Variants in CSRNP2 observed in about 807,000 individuals in gnomAD.
CSRNP2 encodes cysteine/serine-rich nuclear protein 2.
Under a neutral mutation model 36.6 loss-of-function variants are expected in CSRNP2, and 11 were observed. The ratio of observed to expected loss-of-function variants is 0.30; its 90% CI spans 0.19 to 0.50. The LOEUF is 0.50. Among genes scored for constraint, CSRNP2 ranks in the 20% least tolerant of loss-of-function variants. CSRNP2 has a pLI of 0.98. For synonymous variants in CSRNP2, 248 were observed against 275.3 expected (o/e 0.90, Z 0.98); for missense variants, 483 against 691.4 (o/e 0.70, Z 3.38).
chr12:51,072,422 G>A (rs945464828), intron 3 of CSRNP2, among the ~76,000 whole-genome samples: 1 of 151,898 alleles, frequency 6.6e-6, no homozygotes, highest in Non-Finnish European at 1.5e-5. Flanking sequence ...AAATAGCCGG[G>A]TGTGGTGTTG....
intron 1 of CSRNP2, 36 bp from the exon 2 acceptor site, chr12:51,076,683 C>T: frequency 9.6e-7 from 1 of 1,043,494 alleles, no homozygotes; most frequent in Admixed American, 2.0e-5. Flanking sequence ...CATTCCTGTC[C>T]CCAGACAGAC....
chr12:51,072,471 G>C (rs1050008035), intron 3 of CSRNP2, among the ~76,000 whole-genome samples: 6 of 149,546 alleles, frequency 4.0e-5, no homozygotes, highest in African/African-American at 1.5e-4. Context: ...GCTGAGGCAG[G>C]AGAATGGTGT....
At chr12:51,080,434 T>C (rs1439377162) in intron 1 of CSRNP2, among the ~76,000 whole-genome samples, 1 of 152,230 alleles carries the variant, frequency 6.6e-6, no homozygotes, top group Non-Finnish European at 1.5e-5. Context: ...CAAGGATTGC[T>C]GGCTGCTTGT....
rs936229451 is a variant in CSRNP2 at position 51,061,896 on chromosome 12, G to A, written c.*1850C>T. The A allele has an allele frequency of 6.6e-6, 1 of 152,110 alleles. No homozygotes were observed. The highest frequency in any genetic ancestry group is 1.5e-5 in the Non-Finnish European group (1 of 68,020). The allele number at this position is 152,110 out of a possible 1,614,324, so 9.4% of individuals were successfully genotyped here. A position where few individuals can be genotyped will look rare whatever the true frequency, so the allele number is the denominator to read the frequency against. On this transcript the variant is annotated 3_prime_UTR_variant, in exon 5 of 5. Coordinates refer to ENST00000228515, the MANE Select transcript of CSRNP2 (RefSeq NM_030809.3). Reference sequence around the variant, plus strand: ...AAATTCCCAATTAAGCTTCAGTCCTGTGTTTGAGGGTACCAGTCTAAGGTA... The same window carrying A: ...AAATTCCCAATTAAGCTTCAGTCCTATGTTTGAGGGTACCAGTCTAAGGTA...
chr12:51,074,843 G>A (rs1033186167), intron 2 of CSRNP2, among the ~76,000 whole-genome samples: 2 of 151,986 alleles, frequency 1.3e-5, no homozygotes, highest in African/African-American at 4.8e-5. Flanking sequence ...GAGGCAGGCA[G>A]ATCATGAGGT....
At chr12:51,080,110 G>A (rs1391721981) in intron 1 of CSRNP2, among the ~76,000 whole-genome samples, 1 of 139,860 alleles carries the variant, frequency 7.2e-6, no homozygotes, top group Non-Finnish European at 1.6e-5. Flanking sequence ...GAGGGAGGGA[G>A]GGAAGAGAAG....
intron 1 of CSRNP2, among the ~76,000 whole-genome samples, chr12:51,078,219 C>T (rs1372370336): frequency 6.6e-6 from 1 of 152,292 alleles, no homozygotes; most frequent in South Asian, 2.1e-4. Flanking sequence ...AAGCAATTTG[C>T]CTGCTCTTGG....
chr12:51,080,125 CAAGCAGGCA>C (rs1939577498), intron 1 of CSRNP2, among the ~76,000 whole-genome samples: 1 of 89,610 alleles, frequency 1.1e-5, no homozygotes, highest in Non-Finnish European at 2.3e-5. Flanking sequence ...GAGAAGAAGG[CAAGCAGGCA>C]GGCAGGCAGG....
chr12:51,069,430 G>A (rs946115343), intron 3 of CSRNP2, among the ~76,000 whole-genome samples: 10 of 149,754 alleles, frequency 6.7e-5, no homozygotes, highest in Admixed American at 6.6e-4. Context: ...GGAATTACAG[G>A]CTCCTGCCAC....
chr12:51,069,692 CT>C (rs894915514), intron 3 of CSRNP2, among the ~76,000 whole-genome samples: 7 of 141,330 alleles, frequency 5.0e-5, no homozygotes, highest in Non-Finnish European at 9.2e-5. Flanking sequence ...TTTTTTTTTT[CT>C]TTTTTTTCTT....
At chr12:51,076,730 G>A (rs1939418941) in intron 1 of CSRNP2, 83 bp from the exon 2 acceptor site, 2 of 655,742 alleles carry the variant, frequency 3.0e-6, no homozygotes, top group South Asian at 3.8e-5. Flanking sequence ...TCTAAAGAAA[G>A]CACCTCACCT....
In CSRNP2 at chr12:51,063,444, A is replaced by G; in HGVS notation, c.*302T>C. The G allele has an allele frequency of 4.8e-6, 1 of 206,698 alleles. No individual in the cohort carries two copies. Among genetic ancestry groups the G allele is most frequent in the East Asian group, 1.1e-4 (1 of 9,090 alleles). 12.8% of individuals were successfully genotyped at this position (206,698 alleles called of 1,614,324 possible). ...TCCCTACAGAAAGAATAGCTGCTTGAGTTACCCAGCTTTTCCTGTGAGATC... is the reference window on the plus strand; with the variant it reads ...TCCCTACAGAAAGAATAGCTGCTTGGGTTACCCAGCTTTTCCTGTGAGATC... On this transcript the variant is annotated 3_prime_UTR_variant, in exon 5 of 5. Coordinates refer to ENST00000228515, the MANE Select transcript of CSRNP2 (RefSeq NM_030809.3).
At chr12:51,068,949 C>T (rs937982220) in intron 3 of CSRNP2, among the ~76,000 whole-genome samples, 7 of 152,030 alleles carry the variant, frequency 4.6e-5, no homozygotes, top group African/African-American at 9.7e-5. Context: ...AGCCCTTGGC[C>T]GAGAAAAAAT....
Position 51,074,013 on chromosome 12 carries a change from T to C in CSRNP2, c.221A>G (p.Tyr74Cys). The change falls in exon 3 of 5, where the codon TAC becomes TGC. Residue 74 changes from tyrosine (Y) to cysteine (C), a missense_variant. Physicochemically the swap from Tyr to Cys is radical, Grantham distance 194 (BLOSUM62 -2). This residue lies in a region of CSRNP2 where 206 missense variants were observed against 367.8 expected (regional missense o/e 0.56). Coordinates refer to ENST00000228515, the MANE Select transcript of CSRNP2 (RefSeq NM_030809.3). ...AAAACCTTGGCGCCGGGCAAAGTAG[T>C]ATACAGTCACCTGGTCAAAGCGTAC... ...KNVRFDQVTV[Y>C]YFARRQGFTS... 1 of 1,614,244 alleles carries C rather than the reference T, an allele frequency of 6.2e-7. No individual in the cohort carries two copies. The highest frequency in any genetic ancestry group is 8.5e-7 in the Non-Finnish European group (1 of 1,180,042).
chr12:51,080,072 C>CAAAAAAAAAAA (rs1173559322), intron 1 of CSRNP2, among the ~76,000 whole-genome samples: 2 of 54,988 alleles, frequency 3.6e-5, no homozygotes, highest in African/African-American at 1.4e-4. Flanking sequence ...GACTCTGTCT[C>CAAAAAAAAAAA]AAAAAAAAAA....
At chr12:51,079,087 G>C (rs903644211) in intron 1 of CSRNP2, among the ~76,000 whole-genome samples, 3 of 152,124 alleles carry the variant, frequency 2.0e-5, no homozygotes, top group Admixed American at 2.0e-4. Context: ...CATGGATGAA[G>C]CTGGAAACCA....
In CSRNP2 at chr12:51,063,667, C is replaced by T; in HGVS notation, c.*79G>A. 1 of 1,115,552 alleles carries T rather than the reference C, an allele frequency of 9.0e-7. No individual in the cohort carries two copies. The highest frequency in any genetic ancestry group is 1.2e-6 in the Non-Finnish European group (1 of 807,178). 69.1% of individuals were successfully genotyped at this position (1,115,552 alleles called of 1,614,324 possible). ...AACATGGGAGCAGCAGCTGCTTCTA[C>T]AGTTTTGTTTTGAAATGGTGTTAGA... On this transcript the variant is annotated 3_prime_UTR_variant, in exon 5 of 5. Transcript: ENST00000228515.
At chr12:51,082,118 C>T (rs1025942015) in intron 1 of CSRNP2, among the ~76,000 whole-genome samples, 4 of 152,176 alleles carry the variant, frequency 2.6e-5, no homozygotes, top group African/African-American at 9.7e-5. Context: ...TACCATAAAC[C>T]TGAATAAAAT....
In CSRNP2 at chr12:51,064,110, T is replaced by G; in HGVS notation, c.1268A>C (p.Glu423Ala). The change falls in exon 5 of 5, where the codon GAG (glutamate) becomes GCG (alanine). Residue 423 changes from glutamate to alanine, a missense_variant. By Grantham distance (107) the Glu-to-Ala change is moderately radical. Around this residue, in one of 2 missense-constraint regions of CSRNP2, gnomAD observed 277 missense variants for 323.6 expected, o/e 0.86. Transcript: ENST00000228515. ...NSGPLVYYQV[E>A]QRPVLGVKGE... ...TTTCACTCCCAAGACTGGCCTCTGC[T>G]CCACTTGATAATAGACCAGGGGCCC... The G allele has an allele frequency of 6.2e-7, 1 of 1,614,160 alleles. No homozygotes were observed. The highest frequency in any genetic ancestry group is 8.5e-7 in the Non-Finnish European group (1 of 1,180,036).
Sources: gnomAD v4.1 joint callset for allele counts (sites outside exome capture counted in the v4.1 genomes callset) on GRCh38, gnomAD v4.1.1 for gene constraint, gnomAD v4.1.1 regional missense constraint, MANE v1.5 for transcripts, NCBI Gene and HGNC (gene_info 2026-07-23, HGNC 2026-07-21) for gene names.